The following HYAL2 variants were observed in gnomAD, a reference collection of about 807,000 sequenced individuals.
HYAL2 encodes the protein hyaluronidase-2.
HYAL2 carries 30 observed loss-of-function variants against 35.4 expected under a neutral mutation model. That is an observed-to-expected ratio of 0.85 (90% CI 0.63 to 1.15). The LOEUF (loss-of-function observed/expected upper bound fraction) is 1.15, where lower values mean the gene tolerates loss of function less well. Among genes scored for constraint, HYAL2 ranks in the 50% most tolerant of loss-of-function variants. The pLI, the probability that HYAL2 is intolerant of heterozygous loss-of-function variation, is 0.00. For synonymous variants in HYAL2, 262 were observed against 252.8 expected (o/e 1.04, Z -0.34); for missense variants, 635 against 646.5 (o/e 0.98, Z 0.19).
Position 50,318,331 on chromosome 3 carries a change from A to T in HYAL2, c.1220T>A (p.Leu407Gln). Residue 407 changes from leucine to glutamine, a missense_variant, in exon 4 of 4, where the codon CTG becomes CAG. Coordinates refer to ENST00000357750, the MANE Select transcript of HYAL2 (RefSeq NM_003773.5). The surrounding 1 kb of genome is among the most constrained non-coding windows in gnomAD (Gnocchi z 4.5). ...CCAACTGAGCTCCCCCACAGGTCGCAGCTGGGGTTCACCAGGTGCATGGCC... is the reference window on the plus strand; with the variant it reads ...CCAACTGAGCTCCCCCACAGGTCGCTGCTGGGGTTCACCAGGTGCATGGCC... ...VPGHAPGEPQ[L>Q]RPVGELSWAD... 1 of 1,613,508 alleles carries T rather than the reference A, an allele frequency of 6.2e-7. No homozygotes were observed. Among genetic ancestry groups the T allele is most frequent in the Non-Finnish European group, 8.5e-7 (1 of 1,180,034 alleles).
chr3:50,317,942 G>T lies in HYAL2; in HGVS notation c.*187C>A. 1.8e-6 allele frequency: 1 copy of T among 565,732 alleles called. No homozygotes were observed. Among genetic ancestry groups the T allele is most frequent in the Non-Finnish European group, 3.1e-6 (1 of 326,880 alleles). The allele number at this position is 565,732 out of a possible 1,614,324, so 35.0% of individuals were successfully genotyped here. On this transcript the variant is annotated 3_prime_UTR_variant, in exon 4 of 4. Coordinates refer to ENST00000357750, the MANE Select transcript of HYAL2 (RefSeq NM_003773.5). Reference sequence around the variant, plus strand: ...CCTTCCCCTCTGGCAGGGAGAGAAGGGGCCTCCCAGGGACTTCCCCTCCCC... The same window carrying T: ...CCTTCCCCTCTGGCAGGGAGAGAAGTGGCCTCCCAGGGACTTCCCCTCCCC...
chr3:50,319,503 G>A, intron 2 of HYAL2, 66 bp downstream of exon 2: 1 of 1,433,204 alleles, frequency 7.0e-7, no homozygotes. Flanking sequence ...AGTGGCCCCT[G>A]ATAACCCAAA....
chr3:50,319,316 C>T (rs1255929667), intron 2 of HYAL2, among the ~76,000 whole-genome samples: 3 of 152,226 alleles, frequency 2.0e-5, no homozygotes, highest in South Asian at 4.1e-4. Context: ...AAGGCCTGGG[C>T]CCCAGTCCCA....
chr3:50,320,450 C>T lies in HYAL2; in HGVS notation c.40G>A (p.Val14Met), dbSNP rs1307495031. The change falls in exon 2 of 4, where the codon GTG (valine) becomes ATG (methionine). Residue 14 changes from valine (V) to methionine (M), a missense_variant. Val to Met is a conservative substitution (Grantham distance 21). Transcript: ENST00000357750. This position sits in a 1 kb window ranked among gnomAD's most constrained non-coding sequence, Gnocchi z 4.8. Reference protein sequence around the residue: ...GPGPTVTLALVLAVSWAMELK... With the variant: ...GPGPTVTLALMLAVSWAMELK... Reference sequence around the variant, plus strand: ...TCCATGGCCCATGACACCGCCAGCACCAGGGCCAATGTAACGGTGGGGCCT... The same window carrying T: ...TCCATGGCCCATGACACCGCCAGCATCAGGGCCAATGTAACGGTGGGGCCT... 7 of 1,574,998 alleles carry T rather than the reference C, an allele frequency of 4.4e-6. No homozygotes were observed. The highest frequency in any genetic ancestry group is 6.0e-6 in the Non-Finnish European group (7 of 1,159,144).
intron 1 of HYAL2, chr3:50,321,398 G>A (rs1365516000): frequency 6.6e-6 from 1 of 152,162 alleles, no homozygotes; most frequent in Non-Finnish European, 1.5e-5. Context: ...CCGGCGCCAG[G>A]GCCACCGCCA....
At chr3:50,321,990 G>T (rs1020725899) in intron 1 of HYAL2, 6 of 152,156 alleles carry the variant, frequency 3.9e-5, no homozygotes, top group Non-Finnish European at 7.4e-5. Flanking sequence ...GCGACCTCTG[G>T]TCTCCTGGAG....
Position 50,322,334 on chromosome 3 carries a change from C to G in HYAL2, c.-47+319G>C, listed in dbSNP as rs1161670752. 6.6e-6 allele frequency: 1 copy of G among 152,252 alleles called. No individual in the cohort carries two copies. The highest frequency in any genetic ancestry group is 1.5e-5 in the Non-Finnish European group (1 of 68,114). 9.4% of individuals were successfully genotyped at this position (152,252 alleles called of 1,614,324 possible). On this transcript the variant is annotated intron_variant, in intron 1 of 3. Coordinates refer to ENST00000357750, the MANE Select transcript of HYAL2 (RefSeq NM_003773.5). The surrounding 1 kb of genome is among the most constrained non-coding windows in gnomAD (Gnocchi z 5.5). Reference sequence around the variant, plus strand: ...CGGCTCCCTCTCAACCCCGAGGAGGCCTCCATTCCTTGCAGCAGTTTCTGG... The same window carrying G: ...CGGCTCCCTCTCAACCCCGAGGAGGGCTCCATTCCTTGCAGCAGTTTCTGG...
Position 50,318,468 on chromosome 3 carries a change from G to A in HYAL2, c.1083C>T (p.Ala361=). Residue 361 remains alanine, a synonymous_variant, in exon 4 of 4, where the codon GCC becomes GCT. Coordinates refer to ENST00000357750, the MANE Select transcript of HYAL2 (RefSeq NM_003773.5). This position sits in a 1 kb window ranked among gnomAD's most constrained non-coding sequence, Gnocchi z 4.5. ...ACTGGGCCCGGCTGCAATATTGGGT[G>A]GCCCAGGACACATTGACCACGTAGG... ...LVPYVVNVSW[A]TQYCSRAQCH... The A allele has an allele frequency of 6.2e-7, 1 of 1,613,074 alleles. No individual in the cohort carries two copies. Among genetic ancestry groups the A allele is most frequent in the Middle Eastern group, 1.7e-4 (1 of 6,060 alleles).
At chr3:50,319,510 CA>C (rs1368226692) in intron 2 of HYAL2, 58 bp downstream of exon 2, 12 of 1,478,154 alleles carry the variant, frequency 8.1e-6, no homozygotes, top group Non-Finnish European at 1.1e-5. Context: ...CCTGATAACC[CA>C]AATGTGCAGT....
intron 1 of HYAL2, chr3:50,321,624 G>C (rs1444162121): frequency 2.6e-5 from 4 of 152,168 alleles, no homozygotes; most frequent in Non-Finnish European, 5.9e-5. Context: ...CCTCTGCAGA[G>C]GGACGTGGCC....
intron 2 of HYAL2, 78 bp downstream of exon 2, chr3:50,319,491 A>C: frequency 7.9e-7 from 1 of 1,258,694 alleles, no homozygotes; most frequent in Non-Finnish European, 1.1e-6. Flanking sequence ...GTATAGTCCT[A>C]TAGTGGCCCC....
Position 50,320,067 on chromosome 3 carries a change from C to G in HYAL2, c.423G>C (p.Trp141Cys). 6.2e-7 allele frequency: 1 copy of G among 1,613,526 alleles called. No homozygotes were observed. The highest frequency in any genetic ancestry group is 8.5e-7 in the Non-Finnish European group (1 of 1,180,036). Residue 141 changes from tryptophan (W) to cysteine (C), a missense_variant, in exon 2 of 4, where the codon TGG (tryptophan) becomes TGC (cysteine). Trp to Cys is a radical substitution (Grantham distance 215, BLOSUM62 -2). Transcript: ENST00000357750. This position sits in a 1 kb window ranked among gnomAD's most constrained non-coding sequence, Gnocchi z 4.8. ...VIDWEDWRPV[W>C]VRNWQDKDVY... is the part of the protein sequence containing the mutation. Reference sequence around the variant, plus strand: ...CATCTTTGTCCTGCCAGTTGCGCACCCACACAGGTCGCCAGTCCTCCCAGT... The same window carrying G: ...CATCTTTGTCCTGCCAGTTGCGCACGCACACAGGTCGCCAGTCCTCCCAGT...
chr3:50,318,200 C>T lies in HYAL2; in HGVS notation c.1351G>A (p.Glu451Lys), dbSNP rs373307469. Residue 451 changes from glutamate (E) to lysine (K), a missense_variant, in exon 4 of 4, where the codon GAG (glutamate) becomes AAG (lysine). Physicochemically the swap from Glu to Lys is moderately conservative, Grantham distance 56. Transcript: ENST00000357750. This position sits in a 1 kb window ranked among gnomAD's most constrained non-coding sequence, Gnocchi z 4.5. ...DHRQAAGGAS[E>K]AWAGSHLTSL... ...GTGAGGTGGGACCCAGCCCAGGCCT[C>T]GCTGGCACCTCCAGCTGCCTGCCTA... is the stretch of plus-strand genomic sequence containing the variant. 16 of 1,612,854 alleles carry T rather than the reference C, an allele frequency of 9.9e-6. No individual in the cohort carries two copies. Among genetic ancestry groups the T allele is most frequent in the Admixed American group, 6.7e-5 (4 of 59,994 alleles).
Position 50,319,966 on chromosome 3 carries a change from G to A in HYAL2, c.524C>T (p.Ala175Val). 6.2e-6 allele frequency: 10 copies of A among 1,613,556 alleles called. No individual in the cohort carries two copies. The highest frequency in any genetic ancestry group is 8.5e-6 in the Non-Finnish European group (10 of 1,180,042). ...DWPPDRIVKQAQYEFEFAAQQ... is the reference protein window; with the variant it reads ...DWPPDRIVKQVQYEFEFAAQQ... The stretch of plus-strand genomic sequence containing the variant: ...TGCTGCGAACTCAAACTCATATTGT[G>A]CCTGTTTGACTATGCGGTCTGGAGG... Residue 175 changes from alanine (A) to valine (V), a missense_variant, in exon 2 of 4, where the codon GCA becomes GTA. Physicochemically the swap from Ala to Val is moderately conservative, Grantham distance 64. Transcript: ENST00000357750.
chr3:50,319,535 A>T, intron 2 of HYAL2, 34 bp downstream of exon 2: 1 of 1,564,374 alleles, frequency 6.4e-7, no homozygotes, highest in Non-Finnish European at 8.7e-7. Context: ...TCCTCAAGGA[A>T]GGAGAAAAAA....
chr3:50,320,180 C>T lies in HYAL2; in HGVS notation c.310G>A (p.Val104Ile). Reference protein sequence around the residue: ...RSVHGGVPQNVSLWAHRKMLQ... With the variant: ...RSVHGGVPQNISLWAHRKMLQ... Reference sequence around the variant, plus strand: ...ATCTTCCGGTGTGCCCAAAGGCTGACATTCTGTGGCACACCACCATGCACA... The same window carrying T: ...ATCTTCCGGTGTGCCCAAAGGCTGATATTCTGTGGCACACCACCATGCACA... Residue 104 changes from valine to isoleucine, a missense_variant, in exon 2 of 4, where the codon GTC becomes ATC. Physicochemically the swap from Val to Ile is conservative, Grantham distance 29 (BLOSUM62 3). Coordinates refer to ENST00000357750, the MANE Select transcript of HYAL2 (RefSeq NM_003773.5). The surrounding 1 kb of genome is among the most constrained non-coding windows in gnomAD (Gnocchi z 4.8). 1 of 1,613,946 alleles carries T rather than the reference C, an allele frequency of 6.2e-7. No individual in the cohort carries two copies. The highest frequency in any genetic ancestry group is 8.5e-7 in the Non-Finnish European group (1 of 1,180,050).
In HYAL2 at chr3:50,320,102, C is replaced by G; in HGVS notation, c.388G>C (p.Ala130Pro). 1 of 1,613,770 alleles carries G rather than the reference C, an allele frequency of 6.2e-7. No homozygotes were observed. Among genetic ancestry groups the G allele is most frequent in the East Asian group, 2.2e-5 (1 of 44,892 alleles). ...YIRTQESAGL[A>P]VIDWEDWRPV... is the part of the protein sequence containing the mutation. Reference sequence around the variant, plus strand: ...CGCCAGTCCTCCCAGTCGATGACCGCCAGCCCCGCAGACTCCTGTGTCCGA... The same window carrying G: ...CGCCAGTCCTCCCAGTCGATGACCGGCAGCCCCGCAGACTCCTGTGTCCGA... Residue 130 changes from alanine to proline, a missense_variant, in exon 2 of 4, where the codon GCG (alanine) becomes CCG (proline). Physicochemically the swap from Ala to Pro is conservative, Grantham distance 27 (BLOSUM62 -1). Coordinates refer to ENST00000357750, the MANE Select transcript of HYAL2 (RefSeq NM_003773.5). The surrounding 1 kb of genome is among the most constrained non-coding windows in gnomAD (Gnocchi z 4.8).
In HYAL2 at chr3:50,319,012, C is replaced by T. The variant is rs1357511609; in HGVS notation, c.955G>A (p.Ala319Thr). Residue 319 changes from alanine (A) to threonine (T), a missense_variant, in exon 3 of 4, where the codon GCC becomes ACC. Coordinates refer to ENST00000357750, the MANE Select transcript of HYAL2 (RefSeq NM_003773.5). ...AGGATGACACCAGCTGCGCCCAGGGCCGCACTCTCGCCAATGGTAGAGATG... is the reference window on the plus strand; with the variant it reads ...AGGATGACACCAGCTGCGCCCAGGGTCGCACTCTCGCCAATGGTAGAGATG... ...DLISTIGESA[A>T]LGAAGVILWG... 7 of 1,610,118 alleles carry T rather than the reference C, an allele frequency of 4.3e-6. No individual in the cohort carries two copies. Among genetic ancestry groups the T allele is most frequent in the African/African-American group, 1.3e-5 (1 of 74,840 alleles).
chr3:50,318,593 G>A lies in HYAL2; in HGVS notation c.1012-54C>T. The A allele has an allele frequency of 8.1e-6, 12 of 1,488,004 alleles. No homozygotes were observed. Among genetic ancestry groups the A allele is most frequent in the Non-Finnish European group, 1.1e-5 (12 of 1,092,954 alleles). The allele number at this position is 1,488,004 out of a possible 1,614,324, so 92.2% of individuals were successfully genotyped here. A position where few individuals can be genotyped will look rare whatever the true frequency, so the allele number is the denominator to read the frequency against. Reference sequence around the variant, plus strand: ...CAGGGTCAGCTGCCTCAGCCCACAGGCCCAGATGGAAACTGTGTCCACACT... The same window carrying A: ...CAGGGTCAGCTGCCTCAGCCCACAGACCCAGATGGAAACTGTGTCCACACT... On this transcript the variant is annotated intron_variant, in intron 3 of 3. Coordinates refer to ENST00000357750, the MANE Select transcript of HYAL2 (RefSeq NM_003773.5). This position sits in a 1 kb window ranked among gnomAD's most constrained non-coding sequence, Gnocchi z 4.5.
Sources: allele counts gnomAD v4.1 joint callset (sites outside exome capture counted in the v4.1 genomes callset), GRCh38; gene constraint gnomAD v4.1.1; non-coding constraint Gnocchi (gnomAD v3.1); transcripts MANE v1.5; gene names NCBI Gene and HGNC (gene_info 2026-07-23, HGNC 2026-07-21).